The following STYXL1 variants were observed in gnomAD, a reference collection of about 807,000 sequenced individuals.
STYXL1 encodes the protein serine/threonine/tyrosine interacting like 1.
In STYXL1, 32 loss-of-function variants were observed where a neutral mutation model predicts 36.4. The ratio of observed to expected loss-of-function variants is 0.88; its 90% CI spans 0.66 to 1.18. The LOEUF (loss-of-function observed/expected upper bound fraction) is 1.18. Ranked by LOEUF, STYXL1 falls within the 50% of genes most tolerant of loss-of-function variation. STYXL1 has a pLI of 0.00. For missense variants in STYXL1, 354 were observed against 394.1 expected, an observed-to-expected ratio of 0.90 and a Z score of 0.86; for synonymous variants, 133 against 144.1, an observed-to-expected ratio of 0.92 and a Z score of 0.55.
chr7:76,030,078 C>G (rs1344990273), intron 2 of STYXL1, among the ~76,000 whole-genome samples: 1 of 152,020 alleles, frequency 6.6e-6, no homozygotes, highest in African/African-American at 2.4e-5. Flanking sequence ...TCGGCTCACT[C>G]CAACCTCCAC....
At chr7:76,022,666 AAAC>A (rs781921353) in intron 3 of STYXL1, among the ~76,000 whole-genome samples, 28 of 152,228 alleles carry the variant, frequency 1.8e-4, no homozygotes, top group East Asian at 1.3e-3. Flanking sequence ...CCCTGTCCCA[AAAC>A]AACAACAACA....
chr7:76,025,649 G>C (rs781917306), intron 3 of STYXL1, among the ~76,000 whole-genome samples: 1 of 152,140 alleles, frequency 6.6e-6, no homozygotes, highest in African/African-American at 2.4e-5. Flanking sequence ...AATTAGCCAG[G>C]TGTGGTGGCG....
At chr7:76,039,939 G>A (rs544074304) in intron 1 of STYXL1, among the ~76,000 whole-genome samples, 21 of 152,136 alleles carry the variant, frequency 1.4e-4, no homozygotes, top group Non-Finnish European at 3.1e-4. Context: ...TAGCCACGGC[G>A]CCTGGCCTCC....
At chr7:75,999,499 G>GTGTGTGTGTGTATA in intron 8 of STYXL1, among the ~76,000 whole-genome samples, 1 of 79,800 alleles carries the variant, frequency 1.3e-5, no homozygotes, top group African/African-American at 5.2e-5. Flanking sequence ...TGTTGTGTGT[G>GTGTGTGTGTGTATA]TGTGTGTGTG....
intron 4 of STYXL1, among the ~76,000 whole-genome samples, chr7:76,021,431 G>A (rs1794058832): frequency 6.6e-6 from 1 of 152,114 alleles, no homozygotes; most frequent in Non-Finnish European, 1.5e-5. Flanking sequence ...TGAACATCAT[G>A]GAACACTGTT....
chr7:76,003,778 C>A lies in STYXL1; in HGVS notation c.677G>T (p.Arg226Leu). 6.2e-7 allele frequency: 1 copy of A among 1,614,110 alleles called. No individual in the cohort carries two copies. Among genetic ancestry groups the A allele is most frequent in the Non-Finnish European group, 8.5e-7 (1 of 1,180,000 alleles). Residue 226 changes from arginine to leucine, a missense_variant, in exon 7 of 9, where the codon CGC (arginine) becomes CTC (leucine). Physicochemically the swap from Arg to Leu is moderately radical, Grantham distance 102. Transcript: ENST00000359697. ...SPEAQILPFL[R>L]HMCHFIEIHH... ...CTTACCAATGAAGTGACACATGTGG[C>A]GTAAGAAGGGAAGAATCTGGGCTTC...
intron 4 of STYXL1, among the ~76,000 whole-genome samples, chr7:76,020,341 G>T (rs753570305): frequency 6.6e-6 from 1 of 152,324 alleles, no homozygotes; most frequent in African/African-American, 2.4e-5. Context: ...CCAGCTTCTG[G>T]AACGGCACCC....
At chr7:76,003,876 G>T (rs782373976) in intron 6 of STYXL1, 21 bp from the exon 7 acceptor site, 1 of 1,612,138 alleles carries the variant, frequency 6.2e-7, no homozygotes, top group Admixed American at 1.7e-5. Flanking sequence ...GGACCACACA[G>T]GTCATCAGGT....
At chr7:76,007,461 A>G (rs1169054713) in intron 5 of STYXL1, among the ~76,000 whole-genome samples, 1 of 152,164 alleles carries the variant, frequency 6.6e-6, no homozygotes, top group African/African-American at 2.4e-5. Context: ...CGCTTAGGTT[A>G]GACGCAAATA....
chr7:76,010,000 A>G (rs971915282), intron 5 of STYXL1, among the ~76,000 whole-genome samples: 3 of 152,190 alleles, frequency 2.0e-5, no homozygotes, highest in African/African-American at 7.2e-5. Context: ...AACGGACCAT[A>G]CCGGGCCTTT....
At chr7:76,039,438 T>C (rs1475320630) in intron 1 of STYXL1, among the ~76,000 whole-genome samples, 5 of 152,174 alleles carry the variant, frequency 3.3e-5, no homozygotes, top group African/African-American at 1.2e-4. Context: ...ACACATTCTC[T>C]GTGGCCTGAA....
intron 1 of STYXL1, among the ~76,000 whole-genome samples, chr7:76,032,490 C>T (rs1282552713): frequency 1.3e-5 from 2 of 151,224 alleles, no homozygotes; most frequent in African/African-American, 4.9e-5. Flanking sequence ...GCAGGCAGAT[C>T]ACCTTTGGTC....
intron 3 of STYXL1, among the ~76,000 whole-genome samples, chr7:76,024,201 A>G (rs1794404859): frequency 6.6e-6 from 1 of 152,150 alleles, no homozygotes; most frequent in Admixed American, 6.6e-5. Flanking sequence ...AGAGAGCACC[A>G]CTAGAAACCC....
intron 5 of STYXL1, among the ~76,000 whole-genome samples, chr7:76,008,408 T>C (rs1554571141): frequency 6.6e-6 from 1 of 152,052 alleles, no homozygotes; most frequent in Non-Finnish European, 1.5e-5. Context: ...AGAAATAACA[T>C]TTTAAGGACC....
intron 5 of STYXL1, among the ~76,000 whole-genome samples, chr7:76,007,762 AAAT>A (rs1220355563): frequency 6.6e-5 from 10 of 151,784 alleles, no homozygotes; most frequent in Non-Finnish European, 1.3e-4. Context: ...TCTCTACAAA[AAAT>A]AAAAAATTCG....
In STYXL1 at chr7:76,035,379, T is replaced by C. The variant is rs1795816924; in HGVS notation, c.-4-4852A>G. 2.3e-5 allele frequency among the ~76,000 whole-genome samples: 3 copies of C among 131,156 alleles called. 1 individual carries two copies. The highest frequency in any genetic ancestry group is 5.3e-5 in the Non-Finnish European group (3 of 56,078). 86.0% of individuals were successfully genotyped at this position (131,156 alleles called of 152,430 possible). On this transcript the variant is annotated intron_variant, in intron 1 of 8. Coordinates refer to ENST00000359697, the MANE Select transcript of STYXL1 (RefSeq NM_001317785.2). ...TTATTGTGCTTATTTGCTTGTTTAT[T>C]GTCTCCTGGTTTCTGAGGGAAGGTC...
At chr7:76,022,929 AAAAACAAAAAT>A (rs1276892404) in intron 3 of STYXL1, among the ~76,000 whole-genome samples, 7 of 152,136 alleles carry the variant, frequency 4.6e-5, no homozygotes, top group African/African-American at 1.4e-4. Flanking sequence ...TATGTCCCAA[AAAAACAAAAAT>A]AAAACAAAAA....
chr7:76,026,127 G>A (rs147407609), intron 3 of STYXL1, among the ~76,000 whole-genome samples: 1,505 of 139,426 alleles, frequency 0.011, 27 homozygotes, highest in African/African-American at 0.036. Flanking sequence ...GGGAGGTGGA[G>A]CGTGCAGCGA....
Position 76,021,862 on chromosome 7 carries a change from C to CCA in STYXL1, c.294_295dup (p.Gly99ValfsTer19), listed in dbSNP as rs1794117288. The CCA allele has an allele frequency of 6.2e-7, 1 of 1,611,472 alleles. No individual in the cohort carries two copies. The highest frequency in any genetic ancestry group is 1.1e-5 in the South Asian group (1 of 90,882). On this transcript the variant is annotated frameshift_variant, in exon 4 of 9. Transcript: ENST00000359697. LOFTEE classifies it high-confidence loss of function. Reference sequence around the variant, plus strand: ...TGCATAAAACCCACCTTTGCCATCACCATCAGAGTCTGAATCATCATCATC... The same window carrying CCA: ...TGCATAAAACCCACCTTTGCCATCACCACATCAGAGTCTGAATCATCATCATC...
Sources: allele counts gnomAD v4.1 joint callset (sites outside exome capture counted in the v4.1 genomes callset), GRCh38; gene constraint gnomAD v4.1.1; transcripts MANE v1.5; gene names NCBI Gene and HGNC (gene_info 2026-07-23, HGNC 2026-07-21).